The following MYOF variants were observed in gnomAD, a reference collection of about 807,000 sequenced individuals.
The protein encoded by MYOF is fer-1-like 3, myoferlin.
In MYOF, 244 loss-of-function variants were observed where a neutral mutation model predicts 284.2. That is an observed-to-expected ratio of 0.86 (90% CI 0.77 to 0.95). The LOEUF is 0.95. Ranked by LOEUF, MYOF falls within the 40% of genes least tolerant of loss-of-function variation. The pLI, the probability that MYOF is intolerant of heterozygous loss-of-function variation, is 0.00. For synonymous variants in MYOF, 904 were observed against 919.7 expected, an observed-to-expected ratio of 0.98 and a Z score of 0.31; for missense variants, 2,496 against 2,560.6, an observed-to-expected ratio of 0.97 and a Z score of 0.54.
rs1391568353 is a variant in MYOF, at chr10:93,379,849, A to G, written c.2001+14T>C. 1.2e-6 allele frequency: 2 copies of G among 1,613,086 alleles called. No individual in the cohort carries two copies. Among genetic ancestry groups the G allele is most frequent in the Non-Finnish European group, 1.7e-6 (2 of 1,179,200 alleles). On this transcript the variant is annotated intron_variant, in intron 21 of 53. Transcript: ENST00000359263. The stretch of plus-strand genomic sequence containing the variant: ...TGCTTGGTGAAAAGGAAATGCAGAA[A>G]AAGAGAAACTTACCAGCCGTTCTGC...
intron 35 of MYOF, among the ~76,000 whole-genome samples, chr10:93,350,224 A>G (rs1339521281): frequency 6.6e-6 from 1 of 152,174 alleles, no homozygotes; most frequent in African/African-American, 2.4e-5. Flanking sequence ...GTCAATGCTG[A>G]CAAGGTAACT....
intron 21 of MYOF, among the ~76,000 whole-genome samples, chr10:93,378,693 G>GTGTGTGTGTGTATATATATA: frequency 5.7e-5 from 5 of 87,878 alleles, no homozygotes; most frequent in African/African-American, 1.9e-4. Context: ...GTGTGTGTGT[G>GTGTGTGTGTGTATATATATA]TATATATATA....
chr10:93,355,673 T>G lies in MYOF; in HGVS notation c.3358A>C (p.Thr1120Pro). 1 of 1,613,330 alleles carries G rather than the reference T, an allele frequency of 6.2e-7. No homozygotes were observed. The highest frequency in any genetic ancestry group is 1.1e-5 in the South Asian group (1 of 91,006). ...SLEKQKHSAT[T>P]VFGANTPIVS... ...ATGGGGGTGTTTGCTCCGAACACAG[T>G]GGTGGCACTGTGCTTCTGTTTCTCC... Residue 1120 changes from threonine to proline, a missense_variant, in exon 31 of 54, where the codon ACT (threonine) becomes CCT (proline). This residue lies in a region of MYOF where 2,436 missense variants were observed against 2,480.7 expected (regional missense o/e 0.98). Transcript: ENST00000359263.
At position 93,325,901 on chromosome 10, in the gene MYOF, G is replaced by A; in HGVS notation, c.5196C>T (p.Leu1732=). 6.2e-7 allele frequency: 1 copy of A among 1,614,108 alleles called. No individual in the cohort carries two copies. Among genetic ancestry groups the A allele is most frequent in the Non-Finnish European group, 8.5e-7 (1 of 1,180,012 alleles). Residue 1732 remains leucine, a synonymous_variant, in exon 46 of 54, where the codon CTC becomes CTT. Coordinates refer to ENST00000359263, the MANE Select transcript of MYOF (RefSeq NM_013451.4). ...GCTCAGGGACCAGCCCCTGAGTCCT[G>A]AGGATGTGAAGAGCAAGCCGCTCTT... ...APEERLALHI[L]RTQGLVPEHV...
At chr10:93,457,444 G>A (rs1244576837) in intron 1 of MYOF, among the ~76,000 whole-genome samples, 1 of 152,150 alleles carries the variant, frequency 6.6e-6, no homozygotes, top group African/African-American at 2.4e-5. Context: ...CATAGGCTTC[G>A]GTACAAGGTC....
chr10:93,440,431 C>T (rs1202211676), intron 3 of MYOF, among the ~76,000 whole-genome samples: 2 of 151,568 alleles, frequency 1.3e-5, no homozygotes, highest in Non-Finnish European at 2.9e-5. Flanking sequence ...ACCCCCAAAA[C>T]AAACCCTTAT....
chr10:93,354,666 A>ACACTCTCTCTCTCTCTCTCTCTCT (rs1554844078), intron 31 of MYOF, among the ~76,000 whole-genome samples: 10 of 119,234 alleles, frequency 8.4e-5, no homozygotes, highest in Non-Finnish European at 1.8e-4. Context: ...TCACACATTC[A>ACACTCTCTCTCTCTCTCTCTCTCT]CTCTCTCTCT....
intron 43 of MYOF, among the ~76,000 whole-genome samples, chr10:93,332,324 G>C (rs61861287): frequency 2.0e-5 from 3 of 151,674 alleles, no homozygotes; most frequent in African/African-American, 7.3e-5. Context: ...CCAGGTTCAA[G>C]CAATTCTCCA....
rs112692024 is a variant in MYOF at position 93,389,017 on chromosome 10, T to C, written c.1581+13A>G. The C allele has an allele frequency of 1.6e-5, 25 of 1,610,808 alleles. No homozygotes were observed. In the African/African-American group the frequency reaches 1.7e-4, roughly 11 times the overall value. On this transcript the variant is annotated intron_variant, in intron 18 of 53. Transcript: ENST00000359263. ...CAATGCTGATTAATAACCACCTTAA[T>C]TGAGAAACCAACCTTTCCAGTATTC...
chr10:93,447,811 C>T (rs1435690830), intron 3 of MYOF, among the ~76,000 whole-genome samples: 1 of 152,124 alleles, frequency 6.6e-6, no homozygotes, highest in Non-Finnish European at 1.5e-5. Flanking sequence ...GACCTCTCCC[C>T]ATCACTGCTG....
rs1316530284 is a variant in MYOF at position 93,426,124 on chromosome 10, G to A, written c.380C>T (p.Pro127Leu). 1.3e-6 allele frequency: 2 copies of A among 1,561,348 alleles called. No individual in the cohort carries two copies. Among genetic ancestry groups the A allele is most frequent in the Middle Eastern group, 1.8e-4 (1 of 5,658 alleles). Residue 127 changes from proline to leucine, a missense_variant, in exon 5 of 54, where the codon CCT (proline) becomes CTT (leucine). By Grantham distance (98) the Pro-to-Leu change is moderately conservative (BLOSUM62 -3). Transcript: ENST00000359263. ...CAGGTCATTTGGATGTGGAGCAGAA[G>A]GCGGATCATAGCCGATCACCAAGTC... is the stretch of plus-strand genomic sequence containing the variant. ...TIDLVIGYDP[P>L]SAPHPNDLSG...
intron 13 of MYOF, among the ~76,000 whole-genome samples, chr10:93,398,775 A>T (rs1847140353): frequency 6.6e-6 from 1 of 152,224 alleles, no homozygotes; most frequent in East Asian, 1.9e-4. Context: ...AACACATAAA[A>T]GATGCTAGTT....
chr10:93,363,914 G>T lies in MYOF; in HGVS notation c.2868+47C>A, dbSNP rs768182424. On this transcript the variant is annotated intron_variant, in intron 27 of 53. Coordinates refer to ENST00000359263, the MANE Select transcript of MYOF (RefSeq NM_013451.4). ...GGCTGCTGGGTTCCCCGCAGATCAC[G>T]ATCAGAGGTGACAGGTGAGAGTTTC... 4.5e-6 allele frequency: 7 copies of T among 1,569,026 alleles called. No homozygotes were observed. In the Admixed American group the frequency reaches 6.7e-5, roughly 15 times the overall value.
At chr10:93,368,085 C>A (rs1198747836) in intron 25 of MYOF, among the ~76,000 whole-genome samples, 1 of 151,930 alleles carries the variant, frequency 6.6e-6, no homozygotes, top group Non-Finnish European at 1.5e-5. Flanking sequence ...CAGTTTAGAC[C>A]CAGCCACAGA....
chr10:93,389,282 GTTGTAAGCACC>G, intron 17 of MYOF, 128 bp from the exon 18 acceptor site: 1 of 1,039,360 alleles, frequency 9.6e-7, no homozygotes, highest in Non-Finnish European at 1.3e-6. Context: ...ATTAATGCAA[GTTGTAAGCACC>G]ATGAGGTTTG....
intron 1 of MYOF, among the ~76,000 whole-genome samples, chr10:93,462,389 A>G (rs2056905365): frequency 6.6e-6 from 1 of 152,120 alleles, no homozygotes. Flanking sequence ...CTTTACATGC[A>G]TCATTTCATT....
chr10:93,474,839 C>T (rs1364549629), intron 1 of MYOF, among the ~76,000 whole-genome samples: 3 of 151,960 alleles, frequency 2.0e-5, no homozygotes, highest in Admixed American at 6.6e-5. Context: ...CTTCACCTCC[C>T]GAGTTCAAGC....
chr10:93,405,319 G>C (rs1247952476), intron 7 of MYOF, among the ~76,000 whole-genome samples: 1 of 152,140 alleles, frequency 6.6e-6, no homozygotes, highest in Non-Finnish European at 1.5e-5. Context: ...AAAAACTTTA[G>C]CTTTTCAAAG....
chr10:93,441,420 C>T (rs7911091), intron 3 of MYOF, among the ~76,000 whole-genome samples: 2,331 of 151,818 alleles, frequency 0.015, 68 homozygotes, highest in African/African-American at 0.053. Flanking sequence ...AGTCTCACGC[C>T]GTTGCCCAGG....
Sources: gnomAD v4.1 joint callset for allele counts (sites outside exome capture counted in the v4.1 genomes callset) on GRCh38, gnomAD v4.1.1 for gene constraint, gnomAD v4.1.1 regional missense constraint, MANE v1.5 for transcripts, NCBI Gene and HGNC (gene_info 2026-07-23, HGNC 2026-07-21) for gene names.